The following PDGFD variants were observed in gnomAD, a reference collection of about 807,000 sequenced individuals.
PDGFD encodes the protein platelet-derived growth factor D.
A neutral mutation model predicts 44.7 loss-of-function variants in PDGFD; 30 were observed. The observed-to-expected ratio is 0.67, with a 90% CI of 0.50 to 0.91. The LOEUF (loss-of-function observed/expected upper bound fraction) is 0.91. Ranked by LOEUF, PDGFD falls within the 40% of genes least tolerant of loss-of-function variation. The probability of loss-of-function intolerance (pLI) is 0.00; values close to 1 mark genes in which losing one functional copy is unlikely to be tolerated. For missense variants in PDGFD, 445 were observed against 457.8 expected (o/e 0.97, Z 0.25); for synonymous variants, 173 against 168.4 (o/e 1.03, Z -0.21).
At chr11:103,973,100 A>C (rs1317733256) in intron 3 of PDGFD, among the ~76,000 whole-genome samples, 1 of 152,072 alleles carries the variant, frequency 6.6e-6, no homozygotes, top group African/African-American at 2.4e-5. Flanking sequence ...GCATAGTATA[A>C]GAAGGCATTA....
At chr11:104,012,167 C>A (rs539952406) in intron 1 of PDGFD, among the ~76,000 whole-genome samples, 15 of 152,050 alleles carry the variant, frequency 9.9e-5, no homozygotes, top group Non-Finnish European at 2.2e-4. Context: ...GAAAATGATA[C>A]AATTAATGAA....
intron 1 of PDGFD, among the ~76,000 whole-genome samples, chr11:104,059,675 C>A (rs887268215): frequency 1.3e-5 from 2 of 152,182 alleles, no homozygotes; most frequent in African/African-American, 4.8e-5. Context: ...TAAGGAACAA[C>A]TAATCCTTCA....
At chr11:103,924,905 C>T (rs1260366995) in intron 6 of PDGFD, among the ~76,000 whole-genome samples, 3 of 152,124 alleles carry the variant, frequency 2.0e-5, no homozygotes, top group African/African-American at 2.4e-5. Flanking sequence ...TGGTGGTTTG[C>T]TGCACCCTTT....
intron 1 of PDGFD, among the ~76,000 whole-genome samples, chr11:104,054,826 G>A (rs561977388): frequency 1.4e-4 from 22 of 152,306 alleles, no homozygotes; most frequent in African/African-American, 4.6e-4. Context: ...AGATAGGGGA[G>A]ACAGTAATGG....
At chr11:104,032,315 CATT>C (rs530275022) in intron 1 of PDGFD, among the ~76,000 whole-genome samples, 5 of 152,006 alleles carry the variant, frequency 3.3e-5, no homozygotes, top group Non-Finnish European at 5.9e-5. Flanking sequence ...ATTATGAAAA[CATT>C]AGTTATTTAA....
intron 4 of PDGFD, 86 bp downstream of exon 4, chr11:103,947,576 C>G: frequency 1.0e-6 from 1 of 972,062 alleles, no homozygotes; most frequent in Non-Finnish European, 1.7e-6. Context: ...AGCCACAGGT[C>G]CTTAATGCAG....
intron 5 of PDGFD, among the ~76,000 whole-genome samples, chr11:103,941,397 G>C (rs115954014): frequency 0.01 from 1,526 of 152,126 alleles, 25 homozygotes; most frequent in African/African-American, 0.035. Context: ...ACCAGGTTAG[G>C]GGGTGGGTAG....
At chr11:104,074,661 A>G (rs551785293) in intron 1 of PDGFD, among the ~76,000 whole-genome samples, 1 of 152,312 alleles carries the variant, frequency 6.6e-6, no homozygotes, top group East Asian at 1.9e-4. Context: ...ACACACTGCA[A>G]CCAGCAACTC....
At chr11:103,987,090 T>A (rs951068771) in intron 3 of PDGFD, among the ~76,000 whole-genome samples, 1 of 126,002 alleles carries the variant, frequency 7.9e-6, no homozygotes, top group Non-Finnish European at 1.6e-5. Context: ...AAACAAATTA[T>A]CCTTAAAAAC....
intron 1 of PDGFD, among the ~76,000 whole-genome samples, chr11:104,135,724 G>C (rs887321849): frequency 6.6e-6 from 1 of 152,166 alleles, no homozygotes; most frequent in African/African-American, 2.4e-5. Flanking sequence ...CATTCACCAA[G>C]ATAGAGTGCC....
At chr11:104,024,898 C>T (rs183108682) in intron 1 of PDGFD, among the ~76,000 whole-genome samples, 59 of 152,300 alleles carry the variant, frequency 3.9e-4, no homozygotes, top group Admixed American at 3.9e-3. Flanking sequence ...GAATATGAAG[C>T]ATGTCCTCCC....
chr11:104,005,356 G>C (rs1341631777), intron 1 of PDGFD, among the ~76,000 whole-genome samples: 1 of 152,162 alleles, frequency 6.6e-6, no homozygotes, highest in Non-Finnish European at 1.5e-5. Flanking sequence ...TCTGAAATCT[G>C]CTTGAGGCAA....
intron 1 of PDGFD, among the ~76,000 whole-genome samples, chr11:104,151,302 T>G (rs1862241747): frequency 6.6e-6 from 1 of 152,192 alleles, no homozygotes. Flanking sequence ...CTAAATTGGA[T>G]TTTCATGAAC....
chr11:104,155,667 C>T (rs546047211), intron 1 of PDGFD, among the ~76,000 whole-genome samples: 1 of 152,302 alleles, frequency 6.6e-6, no homozygotes, highest in East Asian at 1.9e-4. Context: ...TTTACACATT[C>T]TGTGACACTG....
chr11:104,102,438 G>T (rs1861401595), intron 1 of PDGFD, among the ~76,000 whole-genome samples: 1 of 152,170 alleles, frequency 6.6e-6, no homozygotes, highest in African/African-American at 2.4e-5. Context: ...ACAGGTGCTG[G>T]AGAGGATGTG....
intron 1 of PDGFD, among the ~76,000 whole-genome samples, chr11:104,112,539 A>G (rs957966197): frequency 2.0e-5 from 3 of 152,168 alleles, no homozygotes; most frequent in Non-Finnish European, 2.9e-5. Flanking sequence ...CCAAAGGAAT[A>G]TAGATTCTTC....
At chr11:103,947,046 T>C (rs553543608) in intron 4 of PDGFD, among the ~76,000 whole-genome samples, 1 of 152,274 alleles carries the variant, frequency 6.6e-6, no homozygotes, top group South Asian at 2.1e-4. Flanking sequence ...GTGCCACACA[T>C]AGGATTGGTG....
At chr11:104,094,117 T>C (rs1003201835) in intron 1 of PDGFD, among the ~76,000 whole-genome samples, 1 of 65,644 alleles carries the variant, frequency 1.5e-5, no homozygotes, top group African/African-American at 5.0e-5. Context: ...TGAACATGCT[T>C]TGCCTCTTAA....
At chr11:103,919,502 C>CTTTTTTTTTT (rs71037206) in intron 6 of PDGFD, among the ~76,000 whole-genome samples, 7 of 88,776 alleles carry the variant, frequency 7.9e-5, no homozygotes, top group African/African-American at 1.8e-4. Context: ...AAGATTCTTC[C>CTTTTTTTTTT]TTTTTTTTTT....
Sources: allele counts gnomAD v4.1 joint callset (sites outside exome capture counted in the v4.1 genomes callset), GRCh38; gene constraint gnomAD v4.1.1; transcripts MANE v1.5; gene names NCBI Gene and HGNC (gene_info 2026-07-23, HGNC 2026-07-21).